Variants in KDM2B observed in about 807,000 individuals in gnomAD.
The protein encoded by KDM2B is lysine demethylase 2B.
KDM2B carries 26 observed loss-of-function variants against 150.0 expected under a neutral mutation model. The ratio of observed to expected loss-of-function variants is 0.17; its 90% CI spans 0.13 to 0.24. The LOEUF is 0.24. Ranked by LOEUF, KDM2B falls within the 10% of genes least tolerant of loss-of-function variation. KDM2B has a pLI of 1.00. For synonymous variants in KDM2B, 734 were observed against 729.5 expected, an observed-to-expected ratio of 1.01 and a Z score of -0.10; for missense variants, 1,265 against 1,816.9, an observed-to-expected ratio of 0.70 and a Z score of 5.52.
At chr12:121,493,238 C>T (rs568967837) in intron 12 of KDM2B, among the ~76,000 whole-genome samples, 2 of 151,548 alleles carry the variant, frequency 1.3e-5, no homozygotes, top group East Asian at 3.9e-4. Flanking sequence ...CAAAAAAAAC[C>T]CCAAAAAAAT....
intron 12 of KDM2B, among the ~76,000 whole-genome samples, chr12:121,480,491 A>G (rs1393861240): frequency 3.3e-5 from 5 of 150,276 alleles, no homozygotes; most frequent in Admixed American, 6.7e-5. Context: ...CATGTCTGTA[A>G]TCCCAGCACT....
chr12:121,432,390 A>G (rs1295768443), intron 22 of KDM2B, among the ~76,000 whole-genome samples: 6 of 152,220 alleles, frequency 3.9e-5, no homozygotes, highest in Non-Finnish European at 5.9e-5. Context: ...TAGGGATTTT[A>G]CTAATATGTT....
downstream of KDM2B, among the ~76,000 whole-genome samples, chr12:121,426,877 G>A (rs1434725684): frequency 6.6e-6 from 1 of 152,044 alleles, no homozygotes; most frequent in Non-Finnish European, 1.5e-5. Flanking sequence ...GCCCGCCTCG[G>A]CCTCTCAAAG....
intron 10 of KDM2B, among the ~76,000 whole-genome samples, chr12:121,512,389 C>A (rs192458058): frequency 4.0e-5 from 6 of 151,800 alleles, no homozygotes; most frequent in Non-Finnish European, 7.4e-5. Flanking sequence ...AAGGATGGGG[C>A]ATAAGGGAAG....
At chr12:121,458,151 G>A (rs1878549408) in intron 12 of KDM2B, among the ~76,000 whole-genome samples, 2 of 152,208 alleles carry the variant, frequency 1.3e-5, no homozygotes, top group South Asian at 4.2e-4. Flanking sequence ...GGGAGGCCAA[G>A]ATAGGCAGAT....
rs376450162 is a variant in KDM2B at position 121,456,973 on chromosome 12, A to G, written c.1735-3629T>C. Among the ~76,000 whole-genome samples the G allele has an allele frequency of 1.5e-4, 23 of 152,356 alleles. 1 individual carries two copies. In the East Asian group the frequency reaches 3.9e-3, roughly 26 times the overall value. ...GGCAGTGGCCCCCGCCTGGCTCATCAAGAGTTGGTTCAACAACAGAGCAAC... is the reference window on the plus strand; with the variant it reads ...GGCAGTGGCCCCCGCCTGGCTCATCGAGAGTTGGTTCAACAACAGAGCAAC... On this transcript the variant is annotated intron_variant, in intron 12 of 22. Transcript: ENST00000377071.
At position 121,513,935 on chromosome 12, in the gene KDM2B, G is replaced by A. The variant is rs1468226353; in HGVS notation, c.1048-533C>T. Among the ~76,000 whole-genome samples the A allele has an allele frequency of 4.6e-5, 7 of 152,138 alleles. No individual in the cohort carries two copies. The highest frequency in any genetic ancestry group is 1.0e-4 in the Non-Finnish European group (7 of 68,016). Reference sequence around the variant, plus strand: ...GGAGGCCAGGCCAGCGGACCAATAAGAGTGAGGGGGTGTGGCCTCGCCTAC... The same window carrying A: ...GGAGGCCAGGCCAGCGGACCAATAAAAGTGAGGGGGTGTGGCCTCGCCTAC... On this transcript the variant is annotated intron_variant, in intron 9 of 22. Coordinates refer to ENST00000377071, the MANE Select transcript of KDM2B (RefSeq NM_032590.5). This position sits in a 1 kb window ranked among gnomAD's most constrained non-coding sequence, Gnocchi z 5.0.
chr12:121,469,020 G>C (rs998801727), intron 12 of KDM2B: 1 of 151,892 alleles, frequency 6.6e-6, no homozygotes, highest in Non-Finnish European at 1.5e-5. Context: ...TCAGCCTCCA[G>C]AGTAGCTGGG....
At chr12:121,416,429 T>C in the KDM2B span, 1 of 1,224,714 alleles carries the variant, frequency 8.2e-7, no homozygotes, top group Non-Finnish European at 1.2e-6. Flanking sequence ...GCATTCTTGA[T>C]TGTAGGTTAT....
chr12:121,532,085 C>A (rs901146617), intron 8 of KDM2B, among the ~76,000 whole-genome samples: 1 of 151,772 alleles, frequency 6.6e-6, no homozygotes, highest in Admixed American at 6.6e-5. Context: ...CACGCCACTG[C>A]ACCCTAGCCT....
intron 22 of KDM2B, among the ~76,000 whole-genome samples, chr12:121,434,188 C>A (rs1041929102): frequency 6.6e-5 from 10 of 151,812 alleles, no homozygotes; most frequent in Non-Finnish European, 1.3e-4. Context: ...TTCATTCATT[C>A]ATAAATAAAG....
chr12:121,516,526 GACATTAAACATACGGTTGCTCA>G, intron 9 of KDM2B: 1 of 1,423,404 alleles, frequency 7.0e-7, no homozygotes, highest in East Asian at 3.2e-5. Flanking sequence ...CATGCCTGGG[GACATTAAACATACGGTTGCTCA>G]ACATTATTTG....
In KDM2B at chr12:121,578,793, G is replaced by A. The variant is rs1386030066; in HGVS notation, c.271+9C>T. The A allele has an allele frequency of 3.9e-6, 6 of 1,521,644 alleles. No homozygotes were observed. Among genetic ancestry groups the A allele is most frequent in the South Asian group, 3.6e-5 (3 of 84,032 alleles). 94.3% of individuals were successfully genotyped at this position (1,521,644 alleles called of 1,614,324 possible). ...GCGCAGAGGGCGGCCCGGGGTGGGG[G>A]CGCCTCACCTTTGCCCTCCATGGCG... On this transcript the variant is annotated intron_variant, in intron 2 of 22. Transcript: ENST00000377071.
At position 121,461,957 on chromosome 12, in the gene KDM2B, A is replaced by T. The variant is rs936821550; in HGVS notation, c.1735-8613T>A. Among the ~76,000 whole-genome samples, 10 of 152,368 alleles carry T rather than the reference A, an allele frequency of 6.6e-5. No homozygotes were observed. The East Asian group carries it at 1.9e-3, about 29-fold the overall frequency. On this transcript the variant is annotated intron_variant, in intron 12 of 22. Coordinates refer to ENST00000377071, the MANE Select transcript of KDM2B (RefSeq NM_032590.5). ...AGGAGGCTGTGGCATCACAAGAGCCAGGCAAGTTTCAAGAAGGGAGCAGTT... is the reference window on the plus strand; with the variant it reads ...AGGAGGCTGTGGCATCACAAGAGCCTGGCAAGTTTCAAGAAGGGAGCAGTT...
rs138439833 is a variant in KDM2B at position 121,482,528 on chromosome 12, C to T, written c.1734+12051G>A. On this transcript the variant is annotated intron_variant, in intron 12 of 22. Coordinates refer to ENST00000377071, the MANE Select transcript of KDM2B (RefSeq NM_032590.5). ...TGTTGTCCAGGATGGTCTCAATCTC[C>T]GGACCTCGTGATCCACTCGCTTCGG... 5.3e-5 allele frequency among the ~76,000 whole-genome samples: 8 copies of T among 151,860 alleles called. No individual in the cohort carries two copies. The East Asian group carries it at 1.2e-3, about 22-fold the overall frequency.
At chr12:121,486,072 C>CT (rs1399574368) in intron 12 of KDM2B, among the ~76,000 whole-genome samples, 3 of 151,380 alleles carry the variant, frequency 2.0e-5, no homozygotes, top group Non-Finnish European at 4.4e-5. Context: ...CCACCATGCC[C>CT]TGCCTGAAAT....
At position 121,430,039 on chromosome 12, in the gene KDM2B, T is replaced by C; in HGVS notation, c.*249A>G. ...ACCCTCCTCTCCGACAGGAATGTCTTCTTGTAAAGGCCGCCTTAGAAATGG... is the reference window on the plus strand; with the variant it reads ...ACCCTCCTCTCCGACAGGAATGTCTCCTTGTAAAGGCCGCCTTAGAAATGG... On this transcript the variant is annotated 3_prime_UTR_variant, in exon 23 of 23. Transcript: ENST00000377071. The surrounding 1 kb of genome is among the most constrained non-coding windows in gnomAD (Gnocchi z 4.4). The C allele has an allele frequency of 1.6e-6, 2 of 1,269,498 alleles. No individual in the cohort carries two copies. The highest frequency in any genetic ancestry group is 1.7e-5 in the Admixed American group (1 of 59,474). 78.6% of individuals were successfully genotyped at this position (1,269,498 alleles called of 1,614,324 possible).
rs549095200 is a variant in KDM2B, at chr12:121,478,462, C to T, written c.1734+16117G>A. ...GCAACCTCCGCCTCCCAAGTTCACGCCATTCTCCTGCCTCAGCCTCCCGAG... is the reference window on the plus strand; with the variant it reads ...GCAACCTCCGCCTCCCAAGTTCACGTCATTCTCCTGCCTCAGCCTCCCGAG... On this transcript the variant is annotated intron_variant, in intron 12 of 22. Coordinates refer to ENST00000377071, the MANE Select transcript of KDM2B (RefSeq NM_032590.5). 2.6e-5 allele frequency among the ~76,000 whole-genome samples: 4 copies of T among 151,622 alleles called. No individual in the cohort carries two copies. The South Asian group carries it at 8.4e-4, about 32-fold the overall frequency.
intron 11 of KDM2B, among the ~76,000 whole-genome samples, chr12:121,496,071 C>T (rs980275533): frequency 7.2e-5 from 11 of 152,092 alleles, no homozygotes; most frequent in Middle Eastern, 3.2e-3. Context: ...TATCTAACAG[C>T]TAACTTACAG....
Sources: allele counts gnomAD v4.1 joint callset (sites outside exome capture counted in the v4.1 genomes callset), GRCh38; gene constraint gnomAD v4.1.1; non-coding constraint Gnocchi (gnomAD v3.1); transcripts MANE v1.5; gene names NCBI Gene and HGNC (gene_info 2026-07-23, HGNC 2026-07-21).